The following ROBO2 variants were observed in gnomAD, a reference collection of about 807,000 sequenced individuals.
The protein encoded by ROBO2 is roundabout guidance receptor 2, also known as roundabout homolog 2.
ROBO2 carries 53 observed loss-of-function variants against 160.8 expected under a neutral mutation model. The ratio of observed to expected loss-of-function variants is 0.33; its 90% confidence interval spans 0.26 to 0.41. The LOEUF is 0.41. Among genes scored for constraint, ROBO2 ranks in the 10% least tolerant of loss-of-function variants. ROBO2 has a pLI of 1.00. For synonymous variants in ROBO2, 664 were observed against 611.7 expected, an observed-to-expected ratio of 1.09 and a Z score of -1.26; for missense variants, 1,577 against 1,722.4, an observed-to-expected ratio of 0.92 and a Z score of 1.49.
At chr3:77,557,767 G>C (rs1422515935) in intron 8 of ROBO2, among the ~76,000 whole-genome samples, 177 bp from the exon 10 acceptor site, 2 of 151,858 alleles carry the variant, frequency 1.3e-5, no homozygotes, top group Non-Finnish European at 2.9e-5. Flanking sequence ...TACATATATA[G>C]ATGATAGATA....
At chr3:76,994,493 C>T (rs1050001037) in intron 2 of ROBO2, among the ~76,000 whole-genome samples, 16 of 152,130 alleles carry the variant, frequency 1.1e-4, no homozygotes. Context: ...AACAGAATAA[C>T]AACAGTGTAA....
chr3:76,445,774 A>G (rs895188361), intron 2 of ROBO2, among the ~76,000 whole-genome samples: 6 of 152,164 alleles, frequency 3.9e-5, no homozygotes, highest in Middle Eastern at 3.2e-3. Context: ...TATAAACAGA[A>G]CCAAAGACAA....
At chr3:75,914,525 C>T (rs1353096499) in intron 1 of ROBO2, among the ~76,000 whole-genome samples, 2 of 151,878 alleles carry the variant, frequency 1.3e-5, no homozygotes, top group Non-Finnish European at 2.9e-5. Flanking sequence ...TTAACAATGT[C>T]GAAGAAAGTA....
chr3:77,267,664 C>T (rs1406133210), intron 2 of ROBO2, among the ~76,000 whole-genome samples: 1 of 152,144 alleles, frequency 6.6e-6, no homozygotes, highest in African/African-American at 2.4e-5. Context: ...CCCTCTTGCT[C>T]ATGCATTAGT....
At chr3:77,413,365 T>C (rs1359028048) in intron 2 of ROBO2, among the ~76,000 whole-genome samples, 1 of 152,070 alleles carries the variant, frequency 6.6e-6, no homozygotes, top group Non-Finnish European at 1.5e-5. Context: ...TGGAACAGCC[T>C]GGGTGGGATA....
intron 2 of ROBO2, among the ~76,000 whole-genome samples, chr3:76,774,851 T>C (rs539285696): frequency 1.3e-5 from 2 of 150,442 alleles, no homozygotes; most frequent in South Asian, 4.2e-4. Flanking sequence ...TTGTAAACAT[T>C]GTTTCATCTA....
At chr3:76,792,981 T>A (rs2108752999) in intron 2 of ROBO2, among the ~76,000 whole-genome samples, 1 of 151,996 alleles carries the variant, frequency 6.6e-6, no homozygotes, top group South Asian at 2.1e-4. Flanking sequence ...TGAATATTTC[T>A]ATTTTCACAG....
intron 2 of ROBO2, among the ~76,000 whole-genome samples, chr3:76,240,227 AC>A (rs1261104413): frequency 1.3e-5 from 2 of 152,150 alleles, no homozygotes; most frequent in East Asian, 3.9e-4. Flanking sequence ...GGTTTGCTGC[AC>A]CCACCAAACC....
Position 77,158,797 on chromosome 3 carries a change from G to A in ROBO2, c.388+60457G>A, listed in dbSNP as rs569499867. Reference sequence around the variant, plus strand: ...ATTCCACTTCTGATACTGCATGCATGAACTGCCACTGTTTGATGAATCACT... The same window carrying A: ...ATTCCACTTCTGATACTGCATGCATAAACTGCCACTGTTTGATGAATCACT... On this transcript the variant is annotated intron_variant, in intron 2 of 25. Coordinates refer to ENST00000461745, the Ensembl canonical transcript of ROBO2. 2.0e-5 allele frequency among the ~76,000 whole-genome samples: 3 copies of A among 152,166 alleles called. No individual in the cohort carries two copies. The East Asian group carries it at 5.8e-4, about 30-fold the overall frequency.
At chr3:77,590,833 A>T (rs1194752484) in intron 17 of ROBO2, among the ~76,000 whole-genome samples, 1 of 152,126 alleles carries the variant, frequency 6.6e-6, no homozygotes, top group Non-Finnish European at 1.5e-5. Context: ...CTATGCACTT[A>T]AATTGAAAAT....
At chr3:76,039,704 T>G (rs2067223466) in intron 2 of ROBO2, among the ~76,000 whole-genome samples, 1 of 152,018 alleles carries the variant, frequency 6.6e-6, no homozygotes, top group Non-Finnish European at 1.5e-5. Context: ...TCTATAATAA[T>G]AAGCATAGAT....
chr3:77,120,498 T>C (rs543387935), intron 2 of ROBO2, among the ~76,000 whole-genome samples: 1 of 152,308 alleles, frequency 6.6e-6, no homozygotes, highest in African/African-American at 2.4e-5. Flanking sequence ...GATAGTAAAA[T>C]TTTAAATGTG....
intron 6 of ROBO2, among the ~76,000 whole-genome samples, chr3:77,530,545 T>A (rs1345547881): frequency 6.6e-6 from 1 of 151,994 alleles, no homozygotes; most frequent in Non-Finnish European, 1.5e-5. Context: ...GATGCTCTAG[T>A]GTGGGAGGTA....
At chr3:75,920,709 C>T (rs150816927) in intron 1 of ROBO2, among the ~76,000 whole-genome samples, 2 of 152,190 alleles carry the variant, frequency 1.3e-5, no homozygotes, top group African/African-American at 4.8e-5. Context: ...AATCCTGGTG[C>T]TCCTGTATTT....
rs1252754814 is a variant in ROBO2 at position 76,507,031 on chromosome 3, A to G, written c.109+569429A>G. On this transcript the variant is annotated intron_variant, in intron 2 of 26. Coordinates refer to the ROBO2 transcript ENST00000487694. ...TCTTCTCTCAGAAATATTAGTATCAATTGTAACAATTTAATAATGTTGATT... is the reference window on the plus strand; with the variant it reads ...TCTTCTCTCAGAAATATTAGTATCAGTTGTAACAATTTAATAATGTTGATT... Among the ~76,000 whole-genome samples the G allele has an allele frequency of 2.6e-5, 4 of 152,188 alleles. No individual in the cohort carries two copies. In the East Asian group the frequency reaches 7.7e-4, roughly 29 times the overall value.
chr3:77,489,758 G>C (rs908973528), intron 4 of ROBO2, among the ~76,000 whole-genome samples: 2 of 152,090 alleles, frequency 1.3e-5, no homozygotes, highest in Non-Finnish European at 2.9e-5. Flanking sequence ...TTTATACCCA[G>C]CATAATGTCA....
At chr3:76,522,234 T>C (rs932603542) in intron 2 of ROBO2, among the ~76,000 whole-genome samples, 5 of 152,190 alleles carry the variant, frequency 3.3e-5, no homozygotes, top group African/African-American at 9.7e-5. Context: ...AAGTGCAACA[T>C]AGAGTAATTA....
intron 1 of ROBO2, among the ~76,000 whole-genome samples, chr3:77,051,832 G>T (rs1203421255): frequency 2.0e-5 from 3 of 152,216 alleles, no homozygotes; most frequent in African/African-American, 7.2e-5. Flanking sequence ...ACGAAAGAGT[G>T]TGTTGGAAAA....
At chr3:76,284,507 A>G (rs990782193) in intron 2 of ROBO2, among the ~76,000 whole-genome samples, 1 of 152,150 alleles carries the variant, frequency 6.6e-6, no homozygotes, top group African/African-American at 2.4e-5. Flanking sequence ...CATTCATTTT[A>G]TGAAGTAATG....
Sources: gnomAD v4.1 joint callset for allele counts (sites outside exome capture counted in the v4.1 genomes callset) on GRCh38, gnomAD v4.1.1 for gene constraint, MANE v1.5 for transcripts, NCBI Gene and HGNC (gene_info 2026-07-23, HGNC 2026-07-21) for gene names.